MED13L: variants seen among roughly 807,000 people sequenced by gnomAD.
The protein encoded by MED13L is mediator of RNA polymerase II transcription subunit 13-like.
Under a neutral mutation model 220.9 loss-of-function variants are expected in MED13L, and 7 were observed. The ratio of observed to expected loss-of-function variants is 0.03; its 90% CI spans 0.02 to 0.06. The LOEUF is 0.06. Ranked by LOEUF, MED13L falls within the 10% of genes least tolerant of loss-of-function variation. The pLI, the probability that MED13L is intolerant of heterozygous loss-of-function variation, is 1.00. For synonymous variants in MED13L, 1,011 were observed against 1,015.2 expected (o/e 1.00, Z 0.08); for missense variants, 1,965 against 2,760.5 (o/e 0.71, Z 6.46).
chr12:116,144,319 C>A (rs529192298), intron 2 of MED13L, among the ~76,000 whole-genome samples: 3 of 152,260 alleles, frequency 2.0e-5, no homozygotes, highest in South Asian at 4.1e-4. Context: ...AAATTTCCCC[C>A]ATCTCTTGTC....
intron 29 of MED13L, among the ~76,000 whole-genome samples, chr12:115,964,581 G>C (rs1214125459): frequency 2.0e-5 from 3 of 152,012 alleles, no homozygotes; most frequent in Non-Finnish European, 4.4e-5. Context: ...AACAAATGAT[G>C]ACTGATTTTT....
chr12:116,066,922 ATTAAGT>A (rs935366330), intron 4 of MED13L, among the ~76,000 whole-genome samples: 6 of 152,326 alleles, frequency 3.9e-5, no homozygotes, highest in East Asian at 1.9e-4. Context: ...AACTGACTCT[ATTAAGT>A]TTAACAAACA....
chr12:115,968,847 T>G (rs1188146824), intron 28 of MED13L, 93 bp downstream of exon 28: 1 of 1,497,056 alleles, frequency 6.7e-7, no homozygotes, highest in East Asian at 2.3e-5. Flanking sequence ...CATCAAGAAC[T>G]GTGCAAGTAG....
At chr12:115,961,425 G>A (rs1391651596) in intron 30 of MED13L, 27 bp from the exon 31 acceptor site, 2 of 1,612,550 alleles carry the variant, frequency 1.2e-6, no homozygotes, top group African/African-American at 2.7e-5. Context: ...ACAGAGCAGG[G>A]GCGTGAGCCT....
Position 115,984,314 on chromosome 12 carries a change from C to G in MED13L, c.4397G>C (p.Arg1466Pro). 6.2e-7 allele frequency: 1 copy of G among 1,614,120 alleles called. No homozygotes were observed. The highest frequency in any genetic ancestry group is 8.5e-7 in the Non-Finnish European group (1 of 1,180,024). Reference protein sequence around the residue: ...ICKVLRDGIMRVGKTVAQKLT... With the variant: ...ICKVLRDGIMPVGKTVAQKLT... ...CTTCTGTGCCACAGTTTTTCCCACG[C>G]GCATGATCCCGTCACGTAGCACTTT... is the stretch of plus-strand genomic sequence containing the variant. Residue 1466 changes from arginine to proline, a missense_variant, in exon 20 of 31, where the codon CGC (arginine) becomes CCC (proline). Transcript: ENST00000281928.
rs548850788 is a variant in MED13L at position 116,104,330 on chromosome 12, C to G, written c.395+7098G>C. On this transcript the variant is annotated intron_variant, in intron 3 of 30. Transcript: ENST00000281928. The stretch of plus-strand genomic sequence containing the variant: ...GGCCTCATTTGCCCTTTGATAATCA[C>G]CTCTATTGCATCACCTCTATTACAA... 3.3e-5 allele frequency among the ~76,000 whole-genome samples: 5 copies of G among 152,058 alleles called. No homozygotes were observed. In the South Asian group the frequency reaches 1.0e-3, roughly 32 times the overall value.
rs141277496 is a variant in MED13L, at chr12:116,107,285, G to A, written c.395+4143C>T. 7.7e-3 allele frequency among the ~76,000 whole-genome samples: 1,171 copies of A among 152,200 alleles called. 12 individuals are homozygous for A. The highest frequency in any genetic ancestry group is 0.027 in the African/African-American group (1,127 of 41,494). ...TTGAGTAAGTAGCAGTGATCTTTTC[G>A]GTGTTTTTAATGGACAGATGACCCT... is the stretch of plus-strand genomic sequence containing the variant. On this transcript the variant is annotated intron_variant, in intron 3 of 30. Transcript: ENST00000281928.
rs570643907 is a variant in MED13L, at chr12:116,018,056, G to A, written c.1009+1168C>T. 5.3e-5 allele frequency among the ~76,000 whole-genome samples: 8 copies of A among 151,676 alleles called. No individual in the cohort carries two copies. In the South Asian group the frequency reaches 1.7e-3, roughly 32 times the overall value. On this transcript the variant is annotated intron_variant, in intron 7 of 30. Transcript: ENST00000281928. ...CTCCAGACAATGTGTGCTAAACTTC[G>A]AGTTTTGAATATTGCTTTAAATTAT...
At chr12:116,122,529 T>A (rs1008523975) in intron 2 of MED13L, among the ~76,000 whole-genome samples, 1 of 152,224 alleles carries the variant, frequency 6.6e-6, no homozygotes, top group Non-Finnish European at 1.5e-5. Flanking sequence ...AACAAATCTA[T>A]GTTGGAAATG....
chr12:116,064,945 T>C (rs2137654386), intron 4 of MED13L, among the ~76,000 whole-genome samples: 1 of 152,320 alleles, frequency 6.6e-6, no homozygotes, highest in Non-Finnish European at 1.5e-5. Flanking sequence ...TATATGTGTC[T>C]ATATGTATAT....
At chr12:116,171,044 G>A (rs544464793) in intron 2 of MED13L, among the ~76,000 whole-genome samples, 15 of 152,296 alleles carry the variant, frequency 9.8e-5, no homozygotes, top group African/African-American at 3.4e-4. Flanking sequence ...AATTGCTTTT[G>A]CATCATCAGT....
intron 4 of MED13L, among the ~76,000 whole-genome samples, chr12:116,028,800 C>T (rs1228078115): frequency 6.6e-6 from 1 of 152,152 alleles, no homozygotes; most frequent in East Asian, 1.9e-4. Flanking sequence ...TGTTTATTCT[C>T]CACTCTTTAC....
Position 115,983,326 on chromosome 12 carries a change from G to C in MED13L, c.4746C>G (p.Ser1582=), listed in dbSNP as rs1383894060. Residue 1582 remains serine, a synonymous_variant, in exon 21 of 31, where the codon TCC becomes TCG. Transcript: ENST00000281928. ...CAGACGATGAGACCGGTGGCACAGA[G>C]GAACCAGATGCAGAACTACTTGCTG... The part of the protein sequence containing the change: ...NPAASSSASG[S]SVPPVSSSAS... The C allele has an allele frequency of 6.2e-7, 1 of 1,614,210 alleles. No individual in the cohort carries two copies.
chr12:116,052,350 C>T (rs1868582348), intron 4 of MED13L, among the ~76,000 whole-genome samples: 1 of 152,076 alleles, frequency 6.6e-6, no homozygotes, highest in Non-Finnish European at 1.5e-5. Flanking sequence ...GTTGCTGAGT[C>T]CTGTATTACA....
chr12:116,142,860 C>T (rs188166492), intron 2 of MED13L, among the ~76,000 whole-genome samples: 355 of 152,236 alleles, frequency 2.3e-3, no homozygotes, highest in African/African-American at 7.6e-3. Flanking sequence ...TGGAATTATA[C>T]GTTTAAAATT....
In MED13L at chr12:116,022,243, T is replaced by G. The variant is rs1358635160; in HGVS notation, c.625+213A>C. ...CAAAAGAATACACATAAGACCATCT[T>G]ATATATGCGATAAGCTTCAGCGAAA... is the stretch of plus-strand genomic sequence containing the variant. On this transcript the variant is annotated intron_variant, in intron 5 of 30. Coordinates refer to ENST00000281928, the MANE Select transcript of MED13L (RefSeq NM_015335.5). Among the ~76,000 whole-genome samples, 7 of 152,244 alleles carry G rather than the reference T, an allele frequency of 4.6e-5. No homozygotes were observed. In the East Asian group the frequency reaches 1.2e-3, roughly 25 times the overall value.
chr12:116,238,396 T>C (rs1289719833), intron 1 of MED13L, among the ~76,000 whole-genome samples: 1 of 152,256 alleles, frequency 6.6e-6, no homozygotes, highest in Non-Finnish European at 1.5e-5. Context: ...ACAAATACTG[T>C]ATCTTTGATC....
chr12:116,229,056 C>T (rs1181997917), intron 2 of MED13L, among the ~76,000 whole-genome samples: 1 of 152,090 alleles, frequency 6.6e-6, no homozygotes, highest in African/African-American at 2.4e-5. Context: ...GGATTACAGG[C>T]ATGAGCCATC....
chr12:116,016,975 A>G (rs1879763872), intron 7 of MED13L, among the ~76,000 whole-genome samples: 1 of 152,206 alleles, frequency 6.6e-6, no homozygotes, highest in Non-Finnish European at 1.5e-5. Flanking sequence ...GCATTCAACT[A>G]CAGAATGTCA....
Sources: gnomAD v4.1 joint callset for allele counts (sites outside exome capture counted in the v4.1 genomes callset) on GRCh38, gnomAD v4.1.1 for gene constraint, MANE v1.5 for transcripts, NCBI Gene and HGNC (gene_info 2026-07-23, HGNC 2026-07-21) for gene names.